OGT: variants seen among roughly 807,000 people sequenced by gnomAD.
The protein encoded by OGT is O-linked N-acetylglucosamine (GlcNAc) transferase.
A neutral mutation model predicts 75.8 loss-of-function variants in OGT; 3 were observed. That is an observed-to-expected ratio of 0.04 (90% CI 0.02 to 0.10). The LOEUF (loss-of-function observed/expected upper bound fraction) is 0.10. Ranked by LOEUF, OGT falls within the 10% of genes least tolerant of loss-of-function variation. The pLI is 1.00. For missense variants in OGT, 260 were observed against 824.4 expected (o/e 0.32, Z 8.38); for synonymous variants, 257 against 289.7 (o/e 0.89, Z 1.15).
At position 71,533,191 on chromosome X, in the gene OGT, C is replaced by A; in HGVS notation, c.-109C>A. The A allele has an allele frequency of 1.3e-6, 1 of 774,166 alleles. No individual in the cohort carries two copies. Among genetic ancestry groups the A allele is most frequent in the Non-Finnish European group, 1.9e-6 (1 of 516,515 alleles). 63.8% of individuals were successfully genotyped at this position (774,166 alleles called of 1,213,427 possible). A position where few individuals can be genotyped will look rare whatever the true frequency, so the allele number is the denominator to read the frequency against. On this transcript the variant is annotated 5_prime_UTR_variant, in exon 1 of 22. Transcript: ENST00000373719. The stretch of plus-strand genomic sequence containing the variant: ...CTGCCGCCGCTCAAGCCCTCCAGAG[C>A]ATTGCTACGGCTGCTGCCCTTGTAC...
chrX:71,567,610 C>T lies in OGT; in HGVS notation c.2700C>T (p.Ile900=). The T allele has an allele frequency of 8.3e-7, 1 of 1,211,240 alleles. No individual in the cohort carries two copies. The highest frequency in any genetic ancestry group is 1.1e-6 in the Non-Finnish European group (1 of 895,007). Residue 900 remains isoleucine, a synonymous_variant, in exon 20 of 22, where the codon ATC becomes ATT. Transcript: ENST00000373719. ...AQNMGLPQNR[I]IFSPVAPKEE... Reference sequence around the variant, plus strand: ...ACATGGGCCTGCCCCAGAACCGTATCATTTTTTCACCTGTTGCTCCTAAAG... The same window carrying T: ...ACATGGGCCTGCCCCAGAACCGTATTATTTTTTCACCTGTTGCTCCTAAAG...
intron 20 of OGT, 66 bp downstream of exon 20, chrX:71,567,818 C>A (rs1435059627): frequency 3.1e-5 from 35 of 1,117,625 alleles, no homozygotes; most frequent in Middle Eastern, 2.5e-4. Flanking sequence ...GGGGGAGAAA[C>A]TTCCAGGTGA....
At chrX:71,564,351 T>G (rs768665128) in intron 18 of OGT, among the ~76,000 whole-genome samples, 1 of 111,891 alleles carries the variant, frequency 8.9e-6, no homozygotes, top group Non-Finnish European at 1.9e-5. Flanking sequence ...AAGAAAAGAG[T>G]GATCAAAAGC....
rs772067576 is a variant in OGT at position 71,574,720 on chromosome X, AGT to A, written c.*933_*934del. On this transcript the variant is annotated 3_prime_UTR_variant, in exon 22 of 22. Coordinates refer to ENST00000373719, the MANE Select transcript of OGT (RefSeq NM_181672.3). ...CTTCTATGCTGCTTCCAAAAGTGATAGTGTGTGTAAGATTTTTACCTTCCTTT... is the reference window on the plus strand; with the variant it reads ...CTTCTATGCTGCTTCCAAAAGTGATAGTGTGTAAGATTTTTACCTTCCTTT... 1 of 100,321 alleles carries A rather than the reference AGT, an allele frequency of 1.0e-5. No homozygotes were observed. The highest frequency in any genetic ancestry group is 2.0e-5 in the Non-Finnish European group (1 of 49,362). 8.3% of individuals were successfully genotyped at this position (100,321 alleles called of 1,213,427 possible).
chrX:71,545,431 T>C (rs1410546490), intron 4 of OGT: 1 of 112,673 alleles, frequency 8.9e-6, no homozygotes, highest in Non-Finnish European at 1.9e-5. Flanking sequence ...CAGGTTGGGT[T>C]AATTAAAGCT....
chrX:71,559,150 G>A (rs753498041), intron 12 of OGT, 117 bp from the exon 13 acceptor site: 2 of 609,727 alleles, frequency 3.3e-6, no homozygotes, highest in South Asian at 6.0e-5. Flanking sequence ...TTAACTAAAT[G>A]CTCTGGGCAG....
intron 21 of OGT, among the ~76,000 whole-genome samples, chrX:71,571,103 T>C (rs2040455657): frequency 9.1e-6 from 1 of 110,219 alleles, no homozygotes; most frequent in African/African-American, 3.3e-5. Context: ...GCACCCAGCC[T>C]GTGGTGCATT....
chrX:71,571,517 A>G (rs2040458420), intron 21 of OGT, among the ~76,000 whole-genome samples: 1 of 111,840 alleles, frequency 8.9e-6, no homozygotes, highest in Non-Finnish European at 1.9e-5. Flanking sequence ...CTTCCCCTCA[A>G]ACTCCTGAAT....
At chrX:71,552,250 A>G (rs2040310663) in intron 5 of OGT, among the ~76,000 whole-genome samples, 2 of 110,332 alleles carry the variant, frequency 1.8e-5, no homozygotes, top group Non-Finnish European at 3.8e-5. Context: ...AATGAGTGAC[A>G]CTCCGTCTCC....
chrX:71,539,116 A>G (rs907976783), intron 3 of OGT, among the ~76,000 whole-genome samples: 1 of 112,625 alleles, frequency 8.9e-6, no homozygotes, highest in Non-Finnish European at 1.9e-5. Context: ...TGAAGTGAAA[A>G]GAAATAAAAG....
rs1261117710 is a variant in OGT at position 71,564,760 on chromosome X, A to G, written c.2589+7A>G. 13 of 1,165,048 alleles carry G rather than the reference A, an allele frequency of 1.1e-5. No homozygotes were observed. The highest frequency in any genetic ancestry group is 1.3e-5 in the Non-Finnish European group (11 of 861,865). The stretch of plus-strand genomic sequence containing the variant: ...TTTGCAGATGTGGGCAAACGTGAGT[A>G]TGCAAGTATGTTAGAGACTAATAAA... On this transcript the variant is annotated splice_region_variant and intron_variant, in intron 19 of 21. Transcript: ENST00000373719.
At chrX:71,557,164 T>G (rs1354111013) in intron 10 of OGT, 31 bp from the exon 11 acceptor site, 1 of 1,201,761 alleles carries the variant, frequency 8.3e-7, no homozygotes, top group Non-Finnish European at 1.1e-6. Context: ...TTTTGGAAAT[T>G]TTTTACCATC....
intron 21 of OGT, among the ~76,000 whole-genome samples, chrX:71,572,762 A>G (rs1202713950): frequency 8.9e-6 from 1 of 111,894 alleles, no homozygotes; most frequent in Admixed American, 9.5e-5. Context: ...GTGAGACTCT[A>G]TTTCAAAAAT....
At chrX:71,547,057 C>T (rs2040265081) in intron 4 of OGT, 3 of 753,382 alleles carry the variant, frequency 4.0e-6, no homozygotes, top group Non-Finnish European at 4.7e-6. Flanking sequence ...GCAGCGATTG[C>T]GCAGTGCGAT....
rs561722436 is a variant in OGT, at chrX:71,575,002, C to G, written c.*1208C>G. The G allele has an allele frequency of 9.0e-6, 1 of 111,283 alleles. No homozygotes were observed. Among genetic ancestry groups the G allele is most frequent in the African/African-American group, 3.3e-5 (1 of 30,567 alleles). 9.2% of individuals were successfully genotyped at this position (111,283 alleles called of 1,213,427 possible). On this transcript the variant is annotated 3_prime_UTR_variant, in exon 22 of 22. Transcript: ENST00000373719. ...GTCTTGAAGTCTGTACAGATTCAGC[C>G]TCAGTAGTAGCGAACTGCACTGCTG...
chrX:71,544,173 T>C (rs966238879), intron 3 of OGT, among the ~76,000 whole-genome samples: 7 of 111,394 alleles, frequency 6.3e-5, no homozygotes, highest in African/African-American at 2.3e-4. Flanking sequence ...GTGAAGCTAA[T>C]GGGGCCAAAT....
intron 3 of OGT, among the ~76,000 whole-genome samples, chrX:71,540,443 A>G (rs2147669710): frequency 8.9e-6 from 1 of 112,038 alleles, no homozygotes; most frequent in Admixed American, 9.5e-5. Flanking sequence ...TTGGTTTTGC[A>G]GCAGTGAAAG....
intron 2 of OGT, 147 bp from the exon 3 acceptor site, chrX:71,537,682 A>G: frequency 3.2e-6 from 2 of 624,635 alleles, no homozygotes; most frequent in Non-Finnish European, 4.7e-6. Context: ...TGATTTCCCA[A>G]ATTTTTCTTG....
chrX:71,552,032 A>AC (rs1357641789), intron 5 of OGT, among the ~76,000 whole-genome samples: 2 of 109,263 alleles, frequency 1.8e-5, no homozygotes, highest in Non-Finnish European at 3.8e-5. Context: ...ACATGGTGCA[A>AC]CCCCATCTCT....
Sources: allele counts gnomAD v4.1 joint callset (sites outside exome capture counted in the v4.1 genomes callset), GRCh38; gene constraint gnomAD v4.1.1; transcripts MANE v1.5; gene names NCBI Gene and HGNC (gene_info 2026-07-23, HGNC 2026-07-21).